NDFIP2: variants seen among roughly 807,000 people sequenced by gnomAD.
NDFIP2 encodes Nedd4 family interacting protein 2.
In NDFIP2, 19 loss-of-function variants were observed where a neutral mutation model predicts 36.0. That is an observed-to-expected ratio of 0.53 (90% CI 0.37 to 0.77). The LOEUF is 0.77. Ranked by LOEUF, NDFIP2 falls within the 30% of genes least tolerant of loss-of-function variation. NDFIP2 has a pLI of 0.00. For missense variants in NDFIP2, 446 were observed against 435.8 expected, an observed-to-expected ratio of 1.02 and a Z score of -0.21; for synonymous variants, 181 against 167.7, an observed-to-expected ratio of 1.08 and a Z score of -0.61.
chr13:79,551,275 A>G (rs928720088), intron 7 of NDFIP2, among the ~76,000 whole-genome samples, 153 bp downstream of exon 7: 20 of 151,634 alleles, frequency 1.3e-4, no homozygotes, highest in Middle Eastern at 3.4e-3. Flanking sequence ...TTGAAATTTG[A>G]TAAGTCATAG....
chr13:79,549,320 C>T (rs1217759289), intron 6 of NDFIP2, among the ~76,000 whole-genome samples: 2 of 151,756 alleles, frequency 1.3e-5, no homozygotes, highest in East Asian at 3.9e-4. Context: ...TGCCTGAATG[C>T]CGTGTTCTTT....
chr13:79,498,711 C>T (rs909462505), intron 1 of NDFIP2, among the ~76,000 whole-genome samples: 4 of 151,966 alleles, frequency 2.6e-5, no homozygotes, highest in African/African-American at 9.7e-5. Context: ...TACATTAATC[C>T]ATTTATGAGG....
intron 1 of NDFIP2, among the ~76,000 whole-genome samples, chr13:79,518,512 A>G (rs1300267349): frequency 1.3e-5 from 2 of 152,222 alleles, no homozygotes; most frequent in African/African-American, 4.8e-5. Flanking sequence ...CTTTGCATTT[A>G]CTTATTTATT....
intron 2 of NDFIP2, among the ~76,000 whole-genome samples, chr13:79,524,563 G>A (rs1261837668): frequency 6.6e-6 from 1 of 152,216 alleles, no homozygotes; most frequent in East Asian, 1.9e-4. Flanking sequence ...GCAGGTCAAA[G>A]TAAAACCTTG....
intron 1 of NDFIP2, among the ~76,000 whole-genome samples, chr13:79,518,075 T>C (rs774103491): frequency 3.3e-5 from 5 of 152,190 alleles, no homozygotes; most frequent in Non-Finnish European, 7.3e-5. Flanking sequence ...TTTTTGGTCT[T>C]AAAATATTAT....
At chr13:79,528,729 TC>T (rs538824486) in intron 2 of NDFIP2, among the ~76,000 whole-genome samples, 84 of 152,300 alleles carry the variant, frequency 5.5e-4, no homozygotes, top group African/African-American at 2.0e-3. Context: ...CCTAGAGTAT[TC>T]AGTACAGTAA....
rs371311268 is a variant in NDFIP2, at chr13:79,481,415, C to A, written c.212C>A (p.Thr71Lys). Residue 71 changes from threonine (T) to lysine (K), a missense_variant, in exon 1 of 8, where the codon ACG (threonine) becomes AAG (lysine). Thr to Lys is a moderately conservative substitution (Grantham distance 78). Around this residue, in one of 2 missense-constraint regions of NDFIP2, gnomAD observed 369 missense variants for 304.8 expected, o/e 1.21. Coordinates refer to ENST00000218652, the MANE Select transcript of NDFIP2 (RefSeq NM_019080.3). ...GGCCCTGCGGCGACGACGTCGTCGA[C>A]GGGGGTGGCCGTGGGAGCTGAGCAC... ...GRGPAATTSSTGVAVGAEHGE... is the reference protein window; with the variant it reads ...GRGPAATTSSKGVAVGAEHGE... 8 of 1,557,560 alleles carry A rather than the reference C, an allele frequency of 5.1e-6. No homozygotes were observed. Among genetic ancestry groups the A allele is most frequent in the Non-Finnish European group, 7.0e-6 (8 of 1,150,500 alleles).
intron 1 of NDFIP2, among the ~76,000 whole-genome samples, chr13:79,520,260 GGTA>G (rs1342296177): frequency 2.6e-5 from 4 of 152,188 alleles, no homozygotes; most frequent in Non-Finnish European, 5.9e-5. Flanking sequence ...AGGAAGAGAT[GGTA>G]GTAGAGATGG....
In NDFIP2 at chr13:79,520,812, T is replaced by G. The variant is rs999903219; in HGVS notation, c.324T>G (p.Leu108=). 1 of 1,600,134 alleles carries G rather than the reference T, an allele frequency of 6.2e-7. No individual in the cohort carries two copies. Among genetic ancestry groups the G allele is most frequent in the African/African-American group, 1.3e-5 (1 of 74,332 alleles). The change falls in exon 2 of 8, where the codon CTT becomes CTG. Residue 108 remains leucine, a splice_region_variant and synonymous_variant. Transcript: ENST00000218652. ...TTGTTTTTCTTTTGTTCTCTTAGCTTCTTAATGAAGAGGATAACTCAGAAT... is the reference window on the plus strand; with the variant it reads ...TTGTTTTTCTTTTGTTCTCTTAGCTGCTTAATGAAGAGGATAACTCAGAAT... ...HQPGTGRYQV[L]LNEEDNSESS... is the part of the protein sequence containing the mutation.
intron 1 of NDFIP2, among the ~76,000 whole-genome samples, chr13:79,513,342 C>A (rs1218462961): frequency 1.3e-5 from 2 of 152,152 alleles, no homozygotes; most frequent in African/African-American, 4.8e-5. Flanking sequence ...AGTTCCATGC[C>A]TTAATGAAAT....
chr13:79,483,364 T>C (rs1325808487), intron 1 of NDFIP2, among the ~76,000 whole-genome samples: 1 of 152,140 alleles, frequency 6.6e-6, no homozygotes, highest in African/African-American at 2.4e-5. Context: ...TTGTTTATAA[T>C]GGCCTGATTA....
chr13:79,527,013 A>G (rs964705939), intron 2 of NDFIP2, among the ~76,000 whole-genome samples: 1 of 152,196 alleles, frequency 6.6e-6, no homozygotes, highest in African/African-American at 2.4e-5. Flanking sequence ...ATGTTTTATA[A>G]TTGCGGTGTC....
chr13:79,483,159 T>C (rs1451079034), intron 1 of NDFIP2, among the ~76,000 whole-genome samples: 1 of 152,168 alleles, frequency 6.6e-6, no homozygotes, highest in African/African-American at 2.4e-5. Context: ...ACTTTGAATG[T>C]TCCTTGAGAA....
Position 79,538,203 on chromosome 13 carries a change from T to C in NDFIP2, c.622-1479T>C, listed in dbSNP as rs568203448. Among the ~76,000 whole-genome samples the C allele has an allele frequency of 9.9e-5, 15 of 152,254 alleles. No homozygotes were observed. The East Asian group carries it at 2.9e-3, about 29-fold the overall frequency. On this transcript the variant is annotated intron_variant, in intron 3 of 7. Coordinates refer to ENST00000218652, the MANE Select transcript of NDFIP2 (RefSeq NM_019080.3). ...CGATCACCTCCTACCAGGCCCAATC[T>C]CCAACAGTTGAGGATTACAGTTGAA...
At chr13:79,520,240 G>C (rs1488934946) in intron 1 of NDFIP2, among the ~76,000 whole-genome samples, 3 of 152,074 alleles carry the variant, frequency 2.0e-5, no homozygotes, top group Admixed American at 6.6e-5. Flanking sequence ...TTTTCAGGAG[G>C]CTCATAAGTA....
Position 79,520,930 on chromosome 13 carries a change from C to A in NDFIP2, c.442C>A (p.Pro148Thr). 1.2e-6 allele frequency: 2 copies of A among 1,613,688 alleles called. No homozygotes were observed. Among genetic ancestry groups the A allele is most frequent in the Non-Finnish European group, 1.7e-6 (2 of 1,179,700 alleles). ...ACCAGCACTTGAAACTGACTCTTCC[C>A]CTCCACCATATAGTAGTATTACTGT... ...SAPALETDSS[P>T]PPYSSITVEV... The change falls in exon 2 of 8, where the codon CCT (proline) becomes ACT (threonine). Residue 148 changes from proline to threonine, a missense_variant. Physicochemically the swap from Pro to Thr is conservative, Grantham distance 38. This residue lies in a region of NDFIP2 where 369 missense variants were observed against 304.8 expected (regional missense o/e 1.21). Transcript: ENST00000218652.
chr13:79,483,560 A>G (rs2079827498), intron 1 of NDFIP2, among the ~76,000 whole-genome samples: 1 of 152,150 alleles, frequency 6.6e-6, no homozygotes, highest in Non-Finnish European at 1.5e-5. Context: ...GAGTTGTTGA[A>G]TGTTAAGGGA....
chr13:79,504,675 G>A (rs1041809743), intron 1 of NDFIP2, among the ~76,000 whole-genome samples: 2 of 151,758 alleles, frequency 1.3e-5, no homozygotes, highest in African/African-American at 4.8e-5. Flanking sequence ...GTTTTAGAAA[G>A]GTTCAGGTCA....
chr13:79,512,659 A>C (rs1162148751), intron 1 of NDFIP2, among the ~76,000 whole-genome samples: 1 of 152,196 alleles, frequency 6.6e-6, no homozygotes. Context: ...TTGTAGCCTC[A>C]GATCTTCTGG....
Sources: gnomAD v4.1 joint callset for allele counts (sites outside exome capture counted in the v4.1 genomes callset) on GRCh38, gnomAD v4.1.1 for gene constraint, gnomAD v4.1.1 regional missense constraint, MANE v1.5 for transcripts, NCBI Gene and HGNC (gene_info 2026-07-23, HGNC 2026-07-21) for gene names.